The following VWF variants were observed in gnomAD, a reference collection of about 807,000 sequenced individuals.
VWF encodes Factor VIII related antigen.
In VWF, 176 loss-of-function variants were observed where a neutral mutation model predicts 308.6. The ratio of observed to expected loss-of-function variants is 0.57; its 90% CI spans 0.50 to 0.65. VWF has a LOEUF of 0.65. Ranked by LOEUF, VWF falls within the 30% of genes least tolerant of loss-of-function variation. The pLI is 0.00. For missense variants in VWF, 3,146 were observed against 3,648.2 expected, an observed-to-expected ratio of 0.86 and a Z score of 3.55; for synonymous variants, 1,385 against 1,443.4, an observed-to-expected ratio of 0.96 and a Z score of 0.92.
intron 39 of VWF, 143 bp downstream of exon 39, chr12:5,985,420 G>C (rs1943668353): frequency 2.1e-6 from 2 of 938,158 alleles, no homozygotes; most frequent in African/African-American, 3.3e-5. Context: ...GGAAATGCAG[G>C]CTGGGCAAGG....
chr12:6,000,934 A>T (rs1213579505), intron 34 of VWF, among the ~76,000 whole-genome samples: 1 of 152,196 alleles, frequency 6.6e-6, no homozygotes, highest in African/African-American at 2.4e-5. Flanking sequence ...CATAGATCTA[A>T]AACTAAAACG....
chr12:5,963,894 A>C (rs1243938337), intron 47 of VWF, among the ~76,000 whole-genome samples: 2 of 152,154 alleles, frequency 1.3e-5, no homozygotes, highest in Admixed American at 6.5e-5. Flanking sequence ...AGAGTGTTTT[A>C]AACAATTTTA....
intron 21 of VWF, among the ~76,000 whole-genome samples, chr12:6,030,268 C>A (rs1361577439): frequency 6.6e-6 from 1 of 152,236 alleles, no homozygotes; most frequent in Non-Finnish European, 1.5e-5. Context: ...TGTTCAGCAT[C>A]ATCACCGCCA....
At position 6,057,007 on chromosome 12, in the gene VWF, C is replaced by T. The variant is rs756040607; in HGVS notation, c.1795G>A (p.Val599Ile). The change falls in exon 15 of 52, where the codon GTC (valine) becomes ATC (isoleucine). Residue 599 changes from valine (V) to isoleucine (I), a missense_variant. Transcript: ENST00000261405. ...SPTFEACHRA[V>I]SPLPYLRNCR... ...TTCCGCAGGTAGGGCAGCGGGCTGA[C>T]GGCACGATGGCAGGCCTCGAATGTG... 1 of 1,549,278 alleles carries T rather than the reference C, an allele frequency of 6.5e-7. No homozygotes were observed. The highest frequency in any genetic ancestry group is 8.7e-7 in the Non-Finnish European group (1 of 1,152,544).
chr12:6,031,380 A>G, intron 21 of VWF, 64 bp downstream of exon 21: 1 of 1,613,860 alleles, frequency 6.2e-7, no homozygotes, highest in Non-Finnish European at 8.5e-7. Context: ...TGCTTGGAAA[A>G]TGTTCCTATT....
At chr12:6,122,745 G>A in intron 2 of VWF, 1 of 533,446 alleles carries the variant, frequency 1.9e-6, no homozygotes, top group Non-Finnish European at 3.7e-6. Context: ...GGCTCTAGGA[G>A]ACTTTGGAGC....
At position 6,002,510 on chromosome 12, in the gene VWF, A is replaced by G. The variant is rs747807668; in HGVS notation, c.5843-6288T>C. ...TTAGTTTAAAAAAAAGACTACTTTCAAGACCTCTATACAATAAATGTGAAA... is the reference window on the plus strand; with the variant it reads ...TTAGTTTAAAAAAAAGACTACTTTCGAGACCTCTATACAATAAATGTGAAA... On this transcript the variant is annotated intron_variant, in intron 34 of 51. Coordinates refer to ENST00000261405, the MANE Select transcript of VWF (RefSeq NM_000552.5). Among the ~76,000 whole-genome samples, 28 of 152,208 alleles carry G rather than the reference A, an allele frequency of 1.8e-4. No individual in the cohort carries two copies. In the South Asian group the frequency reaches 4.8e-3, roughly 26 times the overall value.
At chr12:6,095,795 C>T (rs1271748958) in intron 5 of VWF, 2 of 614,716 alleles carry the variant, frequency 3.3e-6, no homozygotes, top group Non-Finnish European at 5.5e-6. Context: ...TGACTTGACC[C>T]ATCTCTGGCT....
At chr12:6,045,249 T>C (rs995930515) in intron 17 of VWF, among the ~76,000 whole-genome samples, 1 of 152,190 alleles carries the variant, frequency 6.6e-6, no homozygotes, top group Admixed American at 6.5e-5. Context: ...CAGGTGCACT[T>C]AATAGCATTT....
intron 44 of VWF, among the ~76,000 whole-genome samples, chr12:5,970,260 C>T (rs2136357215): frequency 6.6e-6 from 1 of 152,266 alleles, no homozygotes; most frequent in Admixed American, 6.5e-5. Context: ...GCCACCACCC[C>T]CCGCTGACCC....
chr12:6,018,376 G>A lies in VWF; in HGVS notation c.5042C>T (p.Ser1681Phe). Residue 1681 changes from serine (S) to phenylalanine (F), a missense_variant, in exon 28 of 52, where the codon TCC (serine) becomes TTC (phenylalanine). Ser to Phe is a radical substitution (Grantham distance 155). This residue lies in a region of VWF where 853 missense variants were observed against 1,177.8 expected (regional missense o/e 0.72). Coordinates refer to ENST00000261405, the MANE Select transcript of VWF (RefSeq NM_000552.5). ...AGGTGCCAGCATACCAGGTGCAGGG[G>A]AGAGGGTGGGGATCTGCAGCCCCTC... ...SGEGLQIPTL[S>F]PAPDCSQPLD... is the part of the protein sequence containing the mutation. 6.2e-7 allele frequency: 1 copy of A among 1,611,276 alleles called. No homozygotes were observed. Among genetic ancestry groups the A allele is most frequent in the South Asian group, 1.1e-5 (1 of 90,832 alleles).
intron 1 of VWF, 92 bp from the exon 2 acceptor site, chr12:6,123,288 A>G (rs1195505965): frequency 1.4e-6 from 2 of 1,418,034 alleles, no homozygotes; most frequent in Non-Finnish European, 2.0e-6. Flanking sequence ...TAGCAAAAAC[A>G]TTTCTTTAAA....
intron 22 of VWF, among the ~76,000 whole-genome samples, chr12:6,027,310 C>G (rs56048315): frequency 0.19 from 29,248 of 152,166 alleles, 3,198 homozygotes; most frequent in Non-Finnish European, 0.25. Context: ...AAACTCTCTC[C>G]CCTAGATACT....
At chr12:6,027,849 T>TACAC (rs138442170) in intron 22 of VWF, among the ~76,000 whole-genome samples, 66,901 of 130,752 alleles carry the variant, frequency 0.51, 15,467 homozygotes, top group East Asian at 0.69. Context: ...GGAAGACACA[T>TACAC]ACACACACAC....
Position 5,984,986 on chromosome 12 carries a change from G to A in VWF, c.6976+59C>T, listed in dbSNP as rs2070885. On this transcript the variant is annotated intron_variant, in intron 40 of 51. Transcript: ENST00000261405. Reference sequence around the variant, plus strand: ...AGAGACACCTTTCAGCACCTTCAACGTGGTGCCCCCTGGGGCTAGGGTTGG... The same window carrying A: ...AGAGACACCTTTCAGCACCTTCAACATGGTGCCCCCTGGGGCTAGGGTTGG... 0.087 allele frequency: 136,078 copies of A among 1,566,406 alleles called. 6,793 individuals carry two copies. The highest frequency in any genetic ancestry group is 0.22 in the East Asian group (10,037 of 44,616).
chr12:6,107,993 G>T (rs1389271257), intron 5 of VWF, among the ~76,000 whole-genome samples: 1 of 151,744 alleles, frequency 6.6e-6, no homozygotes. Context: ...AATAACAAAG[G>T]CTCAAGATAT....
At chr12:6,072,933 C>G (rs1183288565) in intron 8 of VWF, among the ~76,000 whole-genome samples, 1 of 150,684 alleles carries the variant, frequency 6.6e-6, no homozygotes. Flanking sequence ...GTGGTGCGAT[C>G]TCGGTTCACT....
rs1301367628 is a variant in VWF, at chr12:6,121,227, T to C, written c.167A>G (p.Tyr56Cys). 2.5e-6 allele frequency: 4 copies of C among 1,614,170 alleles called. No individual in the cohort carries two copies. In the South Asian group the frequency reaches 3.3e-5, roughly 13 times the overall value. The change falls in exon 3 of 52, where the codon TAC becomes TGC. Residue 56 changes from tyrosine (Y) to cysteine (C), a missense_variant. Physicochemically the swap from Tyr to Cys is radical, Grantham distance 194. Coordinates refer to ENST00000261405, the MANE Select transcript of VWF (RefSeq NM_000552.5). ...GCCCCCTGCCAGGAGGTAACTGCAG[T>C]ATCCCGCAAAGCTGTACATGCTCCC... ...FDGSMYSFAG[Y>C]CSYLLAGGCQ... is the part of the protein sequence containing the mutation.
At chr12:5,987,535 C>G (rs771779140) in intron 38 of VWF, among the ~76,000 whole-genome samples, 1 of 152,210 alleles carries the variant, frequency 6.6e-6, no homozygotes, top group Non-Finnish European at 1.5e-5. Context: ...GTGGGCAGGT[C>G]TGAACACACC....
Sources: gnomAD v4.1 joint callset for allele counts (sites outside exome capture counted in the v4.1 genomes callset) on GRCh38, gnomAD v4.1.1 for gene constraint, gnomAD v4.1.1 regional missense constraint, MANE v1.5 for transcripts, NCBI Gene and HGNC (gene_info 2026-07-23, HGNC 2026-07-21) for gene names.